Variants in GRIK4 observed in about 807,000 individuals in gnomAD.
GRIK4 encodes glutamate receptor ionotropic, kainate 4.
In GRIK4, 40 loss-of-function variants were observed where a neutral mutation model predicts 104.9. That is an observed-to-expected ratio of 0.38 (90% CI 0.30 to 0.50). The LOEUF is 0.50. Ranked by LOEUF, GRIK4 falls within the 20% of genes least tolerant of loss-of-function variation. The probability of loss-of-function intolerance (pLI) is 0.93; values close to 1 mark genes in which losing one functional copy is unlikely to be tolerated. For synonymous variants in GRIK4, 485 were observed against 524.9 expected, an observed-to-expected ratio of 0.92 and a Z score of 1.04; for missense variants, 1,047 against 1,308.1, an observed-to-expected ratio of 0.80 and a Z score of 3.08.
chr11:120,749,153 CT>C (rs978765256), intron 3 of GRIK4, among the ~76,000 whole-genome samples: 14 of 151,408 alleles, frequency 9.2e-5, no homozygotes, highest in Middle Eastern at 3.4e-3. Flanking sequence ...CCCTATAGTA[CT>C]TTTTTTTTGC....
chr11:120,788,336 T>A (rs1037603507), intron 3 of GRIK4, among the ~76,000 whole-genome samples: 2 of 151,994 alleles, frequency 1.3e-5, no homozygotes, highest in Non-Finnish European at 2.9e-5. Flanking sequence ...GCGGGCGGCA[T>A]TGCCGTCAGC....
intron 1 of GRIK4, among the ~76,000 whole-genome samples, chr11:120,514,058 G>A (rs1947693521): frequency 6.6e-6 from 1 of 152,172 alleles, no homozygotes; most frequent in Non-Finnish European, 1.5e-5. Context: ...TTCTGAGGTG[G>A]TTCTCAGCCA....
chr11:120,711,001 GA>G (rs1370140572), intron 3 of GRIK4, among the ~76,000 whole-genome samples: 7 of 149,958 alleles, frequency 4.7e-5, no homozygotes, highest in African/African-American at 7.5e-5. Flanking sequence ...GTGAGGTGGG[GA>G]GGGGGTGTGA....
chr11:120,913,357 C>T (rs1475499819), intron 13 of GRIK4, among the ~76,000 whole-genome samples: 1 of 151,896 alleles, frequency 6.6e-6, no homozygotes, highest in African/African-American at 2.4e-5. Flanking sequence ...AAAGAGATTG[C>T]ACTCCATCTG....
In GRIK4 at chr11:120,513,337, G is replaced by A. The variant is rs1262681005; in HGVS notation, c.-159+1450G>A. On this transcript the variant is annotated intron_variant, in intron 1 of 20. Coordinates refer to ENST00000527524, the MANE Select transcript of GRIK4 (RefSeq NM_014619.5). The surrounding 1 kb of genome is among the most constrained non-coding windows in gnomAD (Gnocchi z 4.5). ...ATCTCCGGGGAGAGAGGCCGCCTGG[G>A]TTGGTAGTGGGCATCTGAGAGACAA... Among the ~76,000 whole-genome samples the A allele has an allele frequency of 1.3e-5, 2 of 152,136 alleles. No individual in the cohort carries two copies. The highest frequency in any genetic ancestry group is 6.5e-5 in the Admixed American group (1 of 15,286).
rs1179909185 is a variant in GRIK4, at chr11:120,987,435, G to A, written c.*1175G>A. The A allele has an allele frequency of 1.3e-5, 2 of 152,188 alleles. No individual in the cohort carries two copies. The highest frequency in any genetic ancestry group is 2.4e-5 in the African/African-American group (1 of 41,422). The allele number at this position is 152,188 out of a possible 1,614,324, so 9.4% of individuals were successfully genotyped here. ...TTCTTGCTACTTAGACGTGAGACCT[G>A]GGTGCAAGTGTATGTGTGTGTATGT... On this transcript the variant is annotated 3_prime_UTR_variant, in exon 21 of 21. Coordinates refer to ENST00000527524, the MANE Select transcript of GRIK4 (RefSeq NM_014619.5).
At chr11:120,900,647 T>C (rs1014065322) in intron 12 of GRIK4, among the ~76,000 whole-genome samples, 1 of 150,914 alleles carries the variant, frequency 6.6e-6, no homozygotes, top group African/African-American at 2.4e-5. Context: ...TACCCAGGGG[T>C]CAGGGTGGCC....
intron 9 of GRIK4, 105 bp downstream of exon 9, chr11:120,862,225 C>A: frequency 1.1e-6 from 1 of 937,016 alleles, no homozygotes; most frequent in Non-Finnish European, 1.6e-6. Flanking sequence ...CAGCCGTCTC[C>A]TGCTCCAGTC....
At chr11:120,879,297 C>T (rs923294647) in intron 11 of GRIK4, among the ~76,000 whole-genome samples, 1 of 152,208 alleles carries the variant, frequency 6.6e-6, no homozygotes, top group African/African-American at 2.4e-5. Flanking sequence ...CAGGACAGTG[C>T]CTGGGTCCTC....
At position 120,822,211 on chromosome 11, in the gene GRIK4, CAAAAAAA is replaced by C. The variant is rs34732807; in HGVS notation, c.511+2309_511+2315del. Among the ~76,000 whole-genome samples, 140 of 71,670 alleles carry C rather than the reference CAAAAAAA, an allele frequency of 2.0e-3. 1 individual carries two copies. Among genetic ancestry groups the C allele is most frequent in the Non-Finnish European group, 2.1e-3 (75 of 36,458 alleles). 47.0% of individuals were successfully genotyped at this position (71,670 alleles called of 152,430 possible). On this transcript the variant is annotated intron_variant, in intron 6 of 20. Transcript: ENST00000527524. The stretch of plus-strand genomic sequence containing the variant: ...GGGTGACAGGAGGGAAACCCTATCT[CAAAAAAA>C]AAAAAAAAAAAAAAAAAGACAGTAA...
chr11:120,688,744 A>G (rs1012971080), intron 3 of GRIK4, among the ~76,000 whole-genome samples: 1 of 152,216 alleles, frequency 6.6e-6, no homozygotes, highest in Admixed American at 6.5e-5. Flanking sequence ...GAGGCTAGTC[A>G]AGGATGCTTT....
At chr11:120,945,797 A>G (rs1468704101) in intron 14 of GRIK4, among the ~76,000 whole-genome samples, 1 of 152,100 alleles carries the variant, frequency 6.6e-6, no homozygotes, top group African/African-American at 2.4e-5. Flanking sequence ...TCTCTCTCTC[A>G]ATGCCTGCAT....
At chr11:120,706,785 C>G (rs1454802552) in intron 3 of GRIK4, among the ~76,000 whole-genome samples, 2 of 152,192 alleles carry the variant, frequency 1.3e-5, no homozygotes, top group African/African-American at 4.8e-5. Flanking sequence ...GTTCTCACCC[C>G]CTCTGTAGCT....
chr11:120,623,138 CTT>C (rs1321595116), intron 1 of GRIK4, among the ~76,000 whole-genome samples: 1 of 152,070 alleles, frequency 6.6e-6, no homozygotes, highest in Non-Finnish European at 1.5e-5. Context: ...CCCCTGTACT[CTT>C]TTAAATTTTA....
intron 3 of GRIK4, among the ~76,000 whole-genome samples, chr11:120,675,926 A>G (rs549980249): frequency 6.6e-6 from 1 of 152,320 alleles, no homozygotes; most frequent in East Asian, 1.9e-4. Context: ...CTTAAATAAG[A>G]CAAAATTATG....
intron 11 of GRIK4, among the ~76,000 whole-genome samples, chr11:120,890,025 C>T (rs560138251): frequency 2.0e-5 from 3 of 152,148 alleles, no homozygotes; most frequent in Admixed American, 2.0e-4. Flanking sequence ...AATCAACTTC[C>T]CAAGACCATG....
At chr11:120,702,252 C>T (rs757191281) in intron 3 of GRIK4, among the ~76,000 whole-genome samples, 3 of 149,218 alleles carry the variant, frequency 2.0e-5, no homozygotes, top group Non-Finnish European at 3.0e-5. Flanking sequence ...CTGCGCCTGG[C>T]GACTCCAAGG....
chr11:120,520,120 C>T (rs1368842886), intron 1 of GRIK4, among the ~76,000 whole-genome samples: 5 of 152,098 alleles, frequency 3.3e-5, no homozygotes, highest in South Asian at 4.2e-4. Context: ...CTCAAACTCC[C>T]GGCCTCAGGT....
Position 120,899,186 on chromosome 11 carries a change from G to A in GRIK4, c.1272+547G>A, listed in dbSNP as rs112116781. ...AGTCCTAGCATTTTGGGAAGCTGAA[G>A]TGGGAAGATCACTTGAGGCCAGGAG... On this transcript the variant is annotated intron_variant, in intron 12 of 20. Transcript: ENST00000527524. Among the ~76,000 whole-genome samples the A allele has an allele frequency of 4.6e-5, 7 of 152,258 alleles. 1 individual carries two copies. The highest frequency in any genetic ancestry group is 1.7e-4 in the African/African-American group (7 of 41,552).
Sources: gnomAD v4.1 joint callset for allele counts (sites outside exome capture counted in the v4.1 genomes callset) on GRCh38, gnomAD v4.1.1 for gene constraint, Gnocchi (gnomAD v3.1) non-coding constraint, MANE v1.5 for transcripts, NCBI Gene and HGNC (gene_info 2026-07-23, HGNC 2026-07-21) for gene names.